The following SLC33A1 variants were observed in gnomAD, a reference collection of about 807,000 sequenced individuals.
SLC33A1 encodes the protein solute carrier family 33 member 1, also known as acetyl-coenzyme A transporter 1.
Under a neutral mutation model 50.0 loss-of-function variants are expected in SLC33A1, and 20 were observed. The ratio of observed to expected loss-of-function variants is 0.40; its 90% CI spans 0.28 to 0.58. SLC33A1 has a LOEUF of 0.58. Ranked by LOEUF, SLC33A1 falls within the 20% of genes least tolerant of loss-of-function variation. The pLI is 0.44. For missense variants in SLC33A1, 476 were observed against 657.0 expected, an observed-to-expected ratio of 0.72 and a Z score of 3.01; for synonymous variants, 265 against 251.8, an observed-to-expected ratio of 1.05 and a Z score of -0.50.
At chr3:155,836,307 AAAAAAAG>A (rs1324250184) in intron 2 of SLC33A1, among the ~76,000 whole-genome samples, 12 of 140,712 alleles carry the variant, frequency 8.5e-5, no homozygotes, top group African/African-American at 3.4e-4. Context: ...AAAAAAAAAA[AAAAAAAG>A]GAAAGAAAGA....
rs1752206872 is a variant in SLC33A1 at position 155,826,604 on chromosome 3, TG to T, written c.*1605del. The T allele has an allele frequency of 6.6e-6, 1 of 152,132 alleles. No homozygotes were observed. The highest frequency in any genetic ancestry group is 1.9e-4 in the East Asian group (1 of 5,194). The allele number at this position is 152,132 out of a possible 1,614,324, so 9.4% of individuals were successfully genotyped here. ...AATGGACAACCATGTGACAAAGTAC[TG>T]TAGTGTATGGTTTGGTGTAGCCTCC... On this transcript the variant is annotated 3_prime_UTR_variant, in exon 6 of 6. Transcript: ENST00000643144.
At position 155,826,787 on chromosome 3, in the gene SLC33A1, A is replaced by G. The variant is rs892913502; in HGVS notation, c.*1423T>C. 2 of 152,110 alleles carry G rather than the reference A, an allele frequency of 1.3e-5. No individual in the cohort carries two copies. The highest frequency in any genetic ancestry group is 4.8e-5 in the African/African-American group (2 of 41,430). The allele number at this position is 152,110 out of a possible 1,614,324, so 9.4% of individuals were successfully genotyped here. A position where few individuals can be genotyped will look rare whatever the true frequency, so the allele number is the denominator to read the frequency against. On this transcript the variant is annotated 3_prime_UTR_variant, in exon 6 of 6. Coordinates refer to ENST00000643144, the MANE Select transcript of SLC33A1 (RefSeq NM_004733.4). ...TTTTCTCCCACCCATTTTATCCTCC[A>G]TTACTTATAAAAACCCCACTCTAAA...
chr3:155,842,664 T>C, intron 1 of SLC33A1, 45 bp from the exon 2 acceptor site: 1 of 1,005,516 alleles, frequency 9.9e-7, no homozygotes. Context: ...AATTACATAA[T>C]TTCATTGATA....
chr3:155,852,396 A>G (rs1183464572), intron 1 of SLC33A1, among the ~76,000 whole-genome samples: 2 of 152,202 alleles, frequency 1.3e-5, no homozygotes, highest in Non-Finnish European at 2.9e-5. Flanking sequence ...TTTAGAACTT[A>G]CCCTCCATTA....
chr3:155,842,553 T>C lies in SLC33A1; in HGVS notation c.842A>G (p.Glu281Gly). 1 of 1,605,198 alleles carries C rather than the reference T, an allele frequency of 6.2e-7. No individual in the cohort carries two copies. Among genetic ancestry groups the C allele is most frequent in the Non-Finnish European group, 8.5e-7 (1 of 1,174,872 alleles). The change falls in exon 2 of 6, where the codon GAA becomes GGA. Residue 281 changes from glutamate (E) to glycine (G), a missense_variant. Coordinates refer to ENST00000643144, the MANE Select transcript of SLC33A1 (RefSeq NM_004733.4). ...TTTLVALLKK[E>G]NEVSVVKEET... is the part of the protein sequence containing the mutation. The stretch of plus-strand genomic sequence containing the variant: ...TTCTTTTACTACTGATACTTCGTTT[T>C]CTTTTTTCAGAAGGGCAACCAATGT...
At chr3:155,844,119 AG>A (rs1365247984) in intron 1 of SLC33A1, among the ~76,000 whole-genome samples, 3 of 152,152 alleles carry the variant, frequency 2.0e-5, no homozygotes, top group Non-Finnish European at 4.4e-5. Context: ...TGCTCACTGA[AG>A]GTGATCACTA....
chr3:155,840,348 A>G (rs1365646649), intron 2 of SLC33A1, among the ~76,000 whole-genome samples: 3 of 151,360 alleles, frequency 2.0e-5, no homozygotes, highest in African/African-American at 7.3e-5. Context: ...TTGGCCTCCC[A>G]AAGTGCTGGG....
chr3:155,852,576 A>G (rs1345313888), intron 1 of SLC33A1, among the ~76,000 whole-genome samples: 1 of 152,182 alleles, frequency 6.6e-6, no homozygotes, highest in Non-Finnish European at 1.5e-5. Flanking sequence ...TGTGTTGTGC[A>G]TTCTGGTGTG....
intron 2 of SLC33A1, 125 bp downstream of exon 2, chr3:155,842,307 T>C: frequency 1.6e-6 from 1 of 626,360 alleles, no homozygotes; most frequent in Admixed American, 3.0e-5. Context: ...ACAGAAAATA[T>C]TGTTTTTCAT....
chr3:155,825,463 G>T lies in SLC33A1; in HGVS notation c.*2747C>A, dbSNP rs576543466. ...GAGCCACAGCATCCAGCCTAAGGAA[G>T]ATCCCTTGAGCCTAGGAATTTGAGG... On this transcript the variant is annotated 3_prime_UTR_variant, in exon 6 of 6. Transcript: ENST00000643144. 3 of 152,262 alleles carry T rather than the reference G, an allele frequency of 2.0e-5. No individual in the cohort carries two copies. In the South Asian group the frequency reaches 6.2e-4, roughly 32 times the overall value. 9.4% of individuals were successfully genotyped at this position (152,262 alleles called of 1,614,324 possible).
At chr3:155,852,967 A>G in intron 1 of SLC33A1, 1 of 545,646 alleles carries the variant, frequency 1.8e-6, no homozygotes, top group South Asian at 2.2e-5. Context: ...AGCAAGTGGC[A>G]TGAATCCCTG....
intron 3 of SLC33A1, 62 bp downstream of exon 3, chr3:155,833,795 G>T: frequency 8.1e-7 from 1 of 1,230,490 alleles, no homozygotes; most frequent in Non-Finnish European, 1.2e-6. Context: ...GATATTAGTG[G>T]TATTGATGAA....
intron 1 of SLC33A1, among the ~76,000 whole-genome samples, chr3:155,846,454 CTT>C (rs34163073): frequency 1.4e-4 from 19 of 138,346 alleles, no homozygotes; most frequent in Admixed American, 1.5e-4. Flanking sequence ...CCCACACTTC[CTT>C]TTTTTTTTTT....
rs1439409590 is a variant in SLC33A1 at position 155,821,699 on chromosome 3, C to G, written c.*6511G>C. 2 of 151,674 alleles carry G rather than the reference C, an allele frequency of 1.3e-5. No homozygotes were observed. Among genetic ancestry groups the G allele is most frequent in the Non-Finnish European group, 2.9e-5 (2 of 68,116 alleles). 9.4% of individuals were successfully genotyped at this position (151,674 alleles called of 1,614,324 possible). A position where few individuals can be genotyped will look rare whatever the true frequency, so the allele number is the denominator to read the frequency against. ...CAGGCCGGTCTTCAACTCCTGACCT[C>G]AAGTGATCTGCCTGCCTTGGCCTCC... On this transcript the variant is annotated 3_prime_UTR_variant, in exon 6 of 6. Transcript: ENST00000643144.
At chr3:155,850,868 C>T (rs1253329051) in intron 1 of SLC33A1, among the ~76,000 whole-genome samples, 1 of 151,526 alleles carries the variant, frequency 6.6e-6, no homozygotes, top group Non-Finnish European at 1.5e-5. Flanking sequence ...CTGTCCACCT[C>T]AGCCTCCCAA....
Position 155,853,466 on chromosome 3 carries a change from C to T in SLC33A1, c.532G>A (p.Ala178Thr). 1 of 1,614,120 alleles carries T rather than the reference C, an allele frequency of 6.2e-7. No individual in the cohort carries two copies. ...AACAAAAAGAACGCCACAGTGAGAG[C>T]AATCACGTCGGGTGTTCTGTCATCG... Reference protein sequence around the residue: ...NTDDRTPDVIALTVAFFLFEF... With the variant: ...NTDDRTPDVITLTVAFFLFEF... Residue 178 changes from alanine (A) to threonine (T), a missense_variant, in exon 1 of 6, where the codon GCT becomes ACT. By Grantham distance (58) the Ala-to-Thr change is moderately conservative (BLOSUM62 0). Transcript: ENST00000643144.
At chr3:155,850,627 T>G (rs1018855482) in intron 1 of SLC33A1, among the ~76,000 whole-genome samples, 4 of 152,016 alleles carry the variant, frequency 2.6e-5, no homozygotes, top group Non-Finnish European at 4.4e-5. Context: ...TATTCTTTTT[T>G]TTTTTTTGAG....
In SLC33A1 at chr3:155,821,587, C is replaced by A. The variant is rs1752091101; in HGVS notation, c.*6623G>T. The A allele has an allele frequency of 6.6e-6, 1 of 152,342 alleles. No individual in the cohort carries two copies. The highest frequency in any genetic ancestry group is 2.1e-4 in the South Asian group (1 of 4,824). 9.4% of individuals were successfully genotyped at this position (152,342 alleles called of 1,614,324 possible). On this transcript the variant is annotated 3_prime_UTR_variant, in exon 6 of 6. Coordinates refer to ENST00000643144, the MANE Select transcript of SLC33A1 (RefSeq NM_004733.4). ...GTTCAAGCGATTCTCCTGCCTCAGC[C>A]TCCCGAGTAGATGGGATTACAGACC...
rs1405726664 is a variant in SLC33A1 at position 155,824,794 on chromosome 3, G to C, written c.*3416C>G. 6.6e-6 allele frequency: 1 copy of C among 152,058 alleles called. No individual in the cohort carries two copies. Among genetic ancestry groups the C allele is most frequent in the East Asian group, 1.9e-4 (1 of 5,190 alleles). 9.4% of individuals were successfully genotyped at this position (152,058 alleles called of 1,614,324 possible). A position where few individuals can be genotyped will look rare whatever the true frequency, so the allele number is the denominator to read the frequency against. On this transcript the variant is annotated 3_prime_UTR_variant, in exon 6 of 6. Coordinates refer to ENST00000643144, the MANE Select transcript of SLC33A1 (RefSeq NM_004733.4). ...CCAGAGTTTCACAAGCAATTCAGGG[G>C]TTTTTCCCACAGACATCAAAAACCT...
Sources: gnomAD v4.1 joint callset for allele counts (sites outside exome capture counted in the v4.1 genomes callset) on GRCh38, gnomAD v4.1.1 for gene constraint, MANE v1.5 for transcripts, NCBI Gene and HGNC (gene_info 2026-07-23, HGNC 2026-07-21) for gene names.